The following PARP8 variants were observed in gnomAD, a reference collection of about 807,000 sequenced individuals.
PARP8 encodes protein mono-ADP-ribosyltransferase PARP8.
A neutral mutation model predicts 124.1 loss-of-function variants in PARP8; 51 were observed. The observed-to-expected ratio is 0.41, with a 90% CI of 0.33 to 0.52. The LOEUF (loss-of-function observed/expected upper bound fraction) is 0.52. Ranked by LOEUF, PARP8 falls within the 20% of genes least tolerant of loss-of-function variation. The pLI, the probability that PARP8 is intolerant of heterozygous loss-of-function variation, is 0.21. For missense variants in PARP8, 860 were observed against 1,018.9 expected (o/e 0.84, Z 2.12); for synonymous variants, 391 against 361.5 (o/e 1.08, Z -0.93).
chr5:50,824,340 T>TG (rs1746100851), intron 17 of PARP8, among the ~76,000 whole-genome samples: 1 of 151,966 alleles, frequency 6.6e-6, no homozygotes, highest in African/African-American at 2.4e-5. Context: ...AGCACTGCAG[T>TG]GGGGGAGAGA....
chr5:50,807,948 C>T (rs1006588075), intron 14 of PARP8, among the ~76,000 whole-genome samples: 2 of 151,966 alleles, frequency 1.3e-5, no homozygotes, highest in African/African-American at 4.8e-5. Context: ...ATGTCTGTCA[C>T]CCACTTAGAG....
At chr5:50,833,713 A>T (rs962279824) in intron 23 of PARP8, among the ~76,000 whole-genome samples, 1 of 152,182 alleles carries the variant, frequency 6.6e-6, no homozygotes, top group African/African-American at 2.4e-5. Context: ...AATAAATTTG[A>T]GTTCTAATTC....
intron 3 of PARP8, among the ~76,000 whole-genome samples, chr5:50,758,128 C>G (rs2149571594): frequency 6.6e-6 from 1 of 152,200 alleles, no homozygotes; most frequent in Non-Finnish European, 1.5e-5. Context: ...TATGAGGTTA[C>G]TGGCAGAAGA....
At chr5:50,711,582 A>G (rs1420440623) in intron 2 of PARP8, among the ~76,000 whole-genome samples, 11 of 152,264 alleles carry the variant, frequency 7.2e-5, no homozygotes, top group African/African-American at 2.6e-4. Context: ...AACTGCTGCT[A>G]TACTGTGAGA....
intron 15 of PARP8, among the ~76,000 whole-genome samples, chr5:50,818,060 CAAAG>C (rs1745301740): frequency 6.6e-6 from 1 of 151,734 alleles, no homozygotes; most frequent in African/African-American, 2.4e-5. Context: ...ATCATTCAGT[CAAAG>C]AAGGCAGATA....
intron 2 of PARP8, among the ~76,000 whole-genome samples, chr5:50,716,100 T>A (rs559304502): frequency 1.3e-4 from 20 of 152,238 alleles, no homozygotes; most frequent in African/African-American, 4.6e-4. Context: ...ATGATCATGT[T>A]ATATCCCCAT....
At chr5:50,780,288 T>G (rs1473987116) in intron 9 of PARP8, among the ~76,000 whole-genome samples, 6 of 152,196 alleles carry the variant, frequency 3.9e-5, no homozygotes, top group Non-Finnish European at 8.8e-5. Context: ...GCTAACTTTT[T>G]TCTTATTTTA....
intron 7 of PARP8, among the ~76,000 whole-genome samples, chr5:50,770,343 T>G (rs912055133): frequency 6.6e-6 from 1 of 152,196 alleles, no homozygotes; most frequent in East Asian, 1.9e-4. Context: ...TACTTGAACA[T>G]CATTCATCAT....
chr5:50,689,660 G>A (rs763259561), intron 2 of PARP8, among the ~76,000 whole-genome samples: 7 of 152,160 alleles, frequency 4.6e-5, no homozygotes, highest in African/African-American at 9.7e-5. Context: ...TTTGGGGAAC[G>A]TTATCACCCA....
rs1425197218 is a variant in PARP8 at position 50,794,889 on chromosome 5, C to T, written c.900C>T (p.Ser300=). 1.2e-6 allele frequency: 2 copies of T among 1,613,910 alleles called. No individual in the cohort carries two copies. Among genetic ancestry groups the T allele is most frequent in the African/African-American group, 2.7e-5 (2 of 74,912 alleles). Reference sequence around the variant, plus strand: ...ATCCTCCCCCTGGTTGTGGCAAAAGCAAATCCAAACTGAAATCTGAGCAGG... The same window carrying T: ...ATCCTCCCCCTGGTTGTGGCAAAAGTAAATCCAAACTGAAATCTGAGCAGG... ...PSYPPPGCGK[S]KSKLKSEQDG... Residue 300 remains serine, a synonymous_variant, in exon 12 of 26, where the codon AGC becomes AGT. Transcript: ENST00000281631.
intron 14 of PARP8, among the ~76,000 whole-genome samples, chr5:50,804,622 A>G (rs1365782544): frequency 6.6e-6 from 1 of 152,162 alleles, no homozygotes; most frequent in Non-Finnish European, 1.5e-5. Context: ...ATTTCCATTT[A>G]CAAAATATAG....
chr5:50,672,660 A>G (rs1750163142), intron 2 of PARP8, among the ~76,000 whole-genome samples: 1 of 152,190 alleles, frequency 6.6e-6, no homozygotes, highest in Non-Finnish European at 1.5e-5. Context: ...CTCCAAGGGT[A>G]ATTAATTCAG....
At chr5:50,767,749 T>G (rs540002505) in intron 7 of PARP8, among the ~76,000 whole-genome samples, 3 of 152,314 alleles carry the variant, frequency 2.0e-5, no homozygotes, top group African/African-American at 7.2e-5. Flanking sequence ...GACTACTGAG[T>G]TTGCATATTT....
intron 10 of PARP8, among the ~76,000 whole-genome samples, chr5:50,793,165 T>C (rs1742154158): frequency 6.6e-6 from 1 of 152,222 alleles, no homozygotes; most frequent in Non-Finnish European, 1.5e-5. Context: ...ATTTCTGTTT[T>C]ACTCTGTGAC....
In PARP8 at chr5:50,788,607, C is replaced by T; in HGVS notation, c.737+18C>T. 6.3e-7 allele frequency: 1 copy of T among 1,595,126 alleles called. No homozygotes were observed. The highest frequency in any genetic ancestry group is 8.6e-7 in the Non-Finnish European group (1 of 1,164,990). ...CTGAAAAAGTAAGTTTGCTAAAGTG[C>T]AAAAAATAAATTTCTGCTAAAGAGA... On this transcript the variant is annotated intron_variant, in intron 10 of 25. Coordinates refer to ENST00000281631, the MANE Select transcript of PARP8 (RefSeq NM_024615.4).
chr5:50,841,535 G>A (rs1748178408), intron 25 of PARP8, among the ~76,000 whole-genome samples: 1 of 151,892 alleles, frequency 6.6e-6, no homozygotes, highest in African/African-American at 2.4e-5. Flanking sequence ...CAAAGAAGCA[G>A]TGGTAGAAAG....
At chr5:50,709,309 C>T (rs111454309) in intron 2 of PARP8, among the ~76,000 whole-genome samples, 2 of 151,902 alleles carry the variant, frequency 1.3e-5, no homozygotes, top group Non-Finnish European at 2.9e-5. Flanking sequence ...TTTAAATTTC[C>T]AAAGGCTCTT....
chr5:50,667,322 C>G (rs886902267), intron 1 of PARP8, 136 bp downstream of exon 1: 110 of 934,288 alleles, frequency 1.2e-4, no homozygotes, highest in Non-Finnish European at 1.5e-4. Flanking sequence ...GCTGCTGCAA[C>G]GAGCGCGGGA....
chr5:50,670,103 T>G (rs2149429725), intron 2 of PARP8, among the ~76,000 whole-genome samples: 1 of 152,376 alleles, frequency 6.6e-6, no homozygotes, highest in South Asian at 2.1e-4. Context: ...TTGTTTTCAT[T>G]ACCGACATTA....
Sources: gnomAD v4.1 joint callset for allele counts (sites outside exome capture counted in the v4.1 genomes callset) on GRCh38, gnomAD v4.1.1 for gene constraint, MANE v1.5 for transcripts, NCBI Gene and HGNC (gene_info 2026-07-23, HGNC 2026-07-21) for gene names.